Variants in ZNF616 observed in about 807,000 individuals in gnomAD.
The protein encoded by ZNF616 is zinc finger protein 616.
In ZNF616, 5 loss-of-function variants were observed where a neutral mutation model predicts 7.6. The ratio of observed to expected loss-of-function variants is 0.66; its 90% CI spans 0.34 to 1.38. ZNF616 has a LOEUF of 1.38. ZNF616 is among the 40% of genes most tolerant of loss of function. The pLI, the probability that ZNF616 is intolerant of heterozygous loss-of-function variation, is 0.04. For missense variants in ZNF616, 913 were observed against 948.3 expected (o/e 0.96, Z 0.49); for synonymous variants, 319 against 317.2 (o/e 1.01, Z -0.06).
At chr19:52,126,057 A>G (rs2122158125) in intron 2 of ZNF616, among the ~76,000 whole-genome samples, 1 of 152,312 alleles carries the variant, frequency 6.6e-6, no homozygotes, top group Middle Eastern at 3.4e-3. Flanking sequence ...TCCTCCCTGA[A>G]CAAAGCAGCC....
rs144289997 is a variant in ZNF616 at position 52,115,994 on chromosome 19, G to A, written c.1170C>T (p.Phe390=). 2 of 1,614,078 alleles carry A rather than the reference G, an allele frequency of 1.2e-6. No homozygotes were observed. The highest frequency in any genetic ancestry group is 2.7e-5 in the African/African-American group (2 of 74,912). Residue 390 remains phenylalanine (F), a synonymous_variant, in exon 4 of 4, where the codon TTC becomes TTT. Transcript: ENST00000600228. ...GCACTGCAAGACTTGAACGTTTACT[G>A]AAGACCTTGCCACATTCATTGCATT... ...QYKCNECGKV[F]SKRSSLAVHR...
rs545343214 is a variant in ZNF616, at chr19:52,130,452, G to C, written c.12+49C>G. The C allele has an allele frequency of 7.2e-6, 11 of 1,527,136 alleles. No individual in the cohort carries two copies. In the South Asian group the frequency reaches 1.1e-4, roughly 16 times the overall value. 94.6% of individuals were successfully genotyped at this position (1,527,136 alleles called of 1,614,324 possible). A position where few individuals can be genotyped will look rare whatever the true frequency, so the allele number is the denominator to read the frequency against. On this transcript the variant is annotated intron_variant, in intron 2 of 3. Coordinates refer to ENST00000600228, the MANE Select transcript of ZNF616 (RefSeq NM_178523.5). ...CTGTACTTCACAAAGGAAGGAGACA[G>C]AATGACCCACCAAGAATATCACTTC... is the stretch of plus-strand genomic sequence containing the variant.
intron 3 of ZNF616, among the ~76,000 whole-genome samples, chr19:52,121,779 CT>C (rs1241927682): frequency 6.6e-6 from 1 of 152,086 alleles, no homozygotes; most frequent in Non-Finnish European, 1.5e-5. Flanking sequence ...AACTGGACCC[CT>C]ATCTCTCATC....
chr19:52,113,582 C>G lies in ZNF616; in HGVS notation c.*1236G>C, dbSNP rs1296330449. ...TGGTATTAAGGCAAAAATGCATTAG[C>G]TATTTGTCCTGATGCTCCACTTCCC... On this transcript the variant is annotated 3_prime_UTR_variant, in exon 4 of 4. Coordinates refer to ENST00000600228, the MANE Select transcript of ZNF616 (RefSeq NM_178523.5). The G allele has an allele frequency of 6.6e-6, 1 of 152,190 alleles. No individual in the cohort carries two copies. Among genetic ancestry groups the G allele is most frequent in the Non-Finnish European group, 1.5e-5 (1 of 68,034 alleles). The allele number at this position is 152,190 out of a possible 1,614,324, so 9.4% of individuals were successfully genotyped here.
At chr19:52,119,087 G>A (rs1449305285) in intron 3 of ZNF616, among the ~76,000 whole-genome samples, 3 of 152,168 alleles carry the variant, frequency 2.0e-5, no homozygotes, top group African/African-American at 7.2e-5. Context: ...AACAGTATCT[G>A]AGTCATCATT....
chr19:52,119,165 T>C (rs1314611876), intron 3 of ZNF616, among the ~76,000 whole-genome samples: 1 of 151,992 alleles, frequency 6.6e-6, no homozygotes, highest in Non-Finnish European at 1.5e-5. Flanking sequence ...GATCACAAGG[T>C]CAGGAGTTCA....
Position 52,114,888 on chromosome 19 carries a change from C to G in ZNF616, c.2276G>C (p.Gly759Ala), listed in dbSNP as rs374008277. ...ECGKSFICRS[G>A]LTKHRIRHTG... The stretch of plus-strand genomic sequence containing the variant: ...ATGTCTTATTCGATGTTTAGTGAGG[C>G]CTGAGCGACAAATAAAAGATTTCCC... Residue 759 changes from glycine (G) to alanine (A), a missense_variant, in exon 4 of 4, where the codon GGC becomes GCC. Physicochemically the swap from Gly to Ala is moderately conservative, Grantham distance 60. Transcript: ENST00000600228. 3 of 1,613,262 alleles carry G rather than the reference C, an allele frequency of 1.9e-6. No homozygotes were observed. Among genetic ancestry groups the G allele is most frequent in the African/African-American group, 2.7e-5 (2 of 75,004 alleles).
chr19:52,115,388 A>C lies in ZNF616; in HGVS notation c.1776T>G (p.Leu592=). 6.2e-7 allele frequency: 1 copy of C among 1,614,126 alleles called. No individual in the cohort carries two copies. Among genetic ancestry groups the C allele is most frequent in the Non-Finnish European group, 8.5e-7 (1 of 1,180,010 alleles). ...CAGTATGAACTCTTCGATGCCCTACAAGATGTGAATACTGACTGTAGACCT... is the reference window on the plus strand; with the variant it reads ...CAGTATGAACTCTTCGATGCCCTACCAGATGTGAATACTGACTGTAGACCT... ...CGKVYSQYSH[L]VGHRRVHTGE... The change falls in exon 4 of 4, where the codon CTT becomes CTG. Residue 592 remains leucine, a synonymous_variant. Transcript: ENST00000600228.
chr19:52,135,391 A>G (rs773578932), intron 1 of ZNF616, among the ~76,000 whole-genome samples: 1 of 152,222 alleles, frequency 6.6e-6, no homozygotes, highest in Non-Finnish European at 1.5e-5. Context: ...AATGATGCAC[A>G]TACCCCAGTG....
intron 2 of ZNF616, among the ~76,000 whole-genome samples, chr19:52,124,922 C>T (rs780135341): frequency 2.0e-5 from 3 of 151,982 alleles, no homozygotes; most frequent in Non-Finnish European, 4.4e-5. Flanking sequence ...ACAGAAGGGC[C>T]AAAAAGCAGT....
intron 1 of ZNF616, among the ~76,000 whole-genome samples, chr19:52,135,814 G>T (rs2089002157): frequency 6.6e-6 from 1 of 152,174 alleles, no homozygotes; most frequent in African/African-American, 2.4e-5. Context: ...CTTAAGTCAG[G>T]AAGGGAATGC....
chr19:52,137,591 C>T lies in ZNF616; in HGVS notation c.-77+2141G>A, dbSNP rs186840696. The stretch of plus-strand genomic sequence containing the variant: ...AAAAGTCCAATTCATAGTAATAAGG[C>T]GGAACAGTTGTTACCACAGGATGCT... On this transcript the variant is annotated intron_variant, in intron 1 of 3. Coordinates refer to ENST00000600228, the MANE Select transcript of ZNF616 (RefSeq NM_178523.5). Among the ~76,000 whole-genome samples the T allele has an allele frequency of 7.2e-5, 11 of 152,136 alleles. No homozygotes were observed. In the East Asian group the frequency reaches 2.1e-3, roughly 29 times the overall value.
chr19:52,129,894 C>T (rs1167250747), intron 2 of ZNF616, among the ~76,000 whole-genome samples: 2 of 151,824 alleles, frequency 1.3e-5, no homozygotes, highest in Non-Finnish European at 2.9e-5. Flanking sequence ...GCTATTCTCC[C>T]GCCTCAGCCT....
Position 52,123,956 on chromosome 19 carries a change from T to C in ZNF616, c.106A>G (p.Met36Val). Residue 36 changes from methionine (M) to valine (V), a missense_variant, in exon 3 of 4, where the codon ATG becomes GTG. Transcript: ENST00000600228. The stretch of plus-strand genomic sequence containing the variant: ...ACCAGGTTCCTATAGTTCTCCAACA[T>C]CACATCCTTGTACAAAGCTTTCTGC... ...PVQKALYKDVMLENYRNLVFL... is the reference protein window; with the variant it reads ...PVQKALYKDVVLENYRNLVFL... The C allele has an allele frequency of 6.2e-7, 1 of 1,614,120 alleles. No individual in the cohort carries two copies.
intron 3 of ZNF616, among the ~76,000 whole-genome samples, chr19:52,121,377 T>A (rs1291190749): frequency 6.6e-6 from 1 of 152,054 alleles, no homozygotes; most frequent in Non-Finnish European, 1.5e-5. Context: ...AGAAAAAAAA[T>A]TAGAATATCA....
intron 1 of ZNF616, among the ~76,000 whole-genome samples, chr19:52,135,492 C>T (rs1024001926): frequency 6.6e-6 from 1 of 152,142 alleles, no homozygotes; most frequent in African/African-American, 2.4e-5. Flanking sequence ...GCCCAAAATA[C>T]TCCAAAATAA....
chr19:52,131,891 A>G (rs1484181877), intron 1 of ZNF616, among the ~76,000 whole-genome samples: 1 of 152,132 alleles, frequency 6.6e-6, no homozygotes, highest in Admixed American at 6.6e-5. Context: ...GAGGGGCCAG[A>G]GAGTTCTAGG....
chr19:52,128,014 T>C (rs2088924266), intron 2 of ZNF616, among the ~76,000 whole-genome samples: 1 of 152,024 alleles, frequency 6.6e-6, no homozygotes, highest in African/African-American at 2.4e-5. Context: ...ATGGAGAAAG[T>C]GACAGGGAAA....
rs755945314 is a variant in ZNF616 at position 52,116,880 on chromosome 19, T to C, written c.284A>G (p.His95Arg). ...LYFREIQKHLHDLEFQWKDGE... is the reference protein window; with the variant it reads ...LYFREIQKHLRDLEFQWKDGE... ...ATCTTTCCATTGAAATTCAAGGTCA[T>C]GTAGATGTTTCTGTATTTCCCTGAA... is the stretch of plus-strand genomic sequence containing the variant. Residue 95 changes from histidine (H) to arginine (R), a missense_variant, in exon 4 of 4, where the codon CAT becomes CGT. Transcript: ENST00000600228. The C allele has an allele frequency of 1.4e-5, 22 of 1,614,034 alleles. No individual in the cohort carries two copies. The highest frequency in any genetic ancestry group is 1.9e-5 in the Non-Finnish European group (22 of 1,179,968).
Sources: gnomAD v4.1 joint callset for allele counts (sites outside exome capture counted in the v4.1 genomes callset) on GRCh38, gnomAD v4.1.1 for gene constraint, MANE v1.5 for transcripts, NCBI Gene and HGNC (gene_info 2026-07-23, HGNC 2026-07-21) for gene names.